Variants in BCL2L13 observed in about 807,000 individuals in gnomAD.
BCL2L13 encodes BCL2 like 13, also known as bcl-2-like protein 13.
A neutral mutation model predicts 25.8 loss-of-function variants in BCL2L13; 13 were observed. The observed-to-expected ratio is 0.50, with a 90% confidence interval of 0.33 to 0.80. BCL2L13 has a LOEUF of 0.80. BCL2L13 is among the 30% of genes least tolerant of loss of function. The probability of loss-of-function intolerance (pLI) is 0.02; values close to 1 mark genes in which losing one functional copy is unlikely to be tolerated. For missense variants in BCL2L13, 504 were observed against 574.9 expected (o/e 0.88, Z 1.26); for synonymous variants, 244 against 230.3 (o/e 1.06, Z -0.54).
chr22:17,684,468 C>T, intron 3 of BCL2L13: 4 of 418,156 alleles, frequency 9.6e-6, no homozygotes, highest in South Asian at 7.0e-5. Flanking sequence ...CAGGCCCCAA[C>T]CCCACCCCAC....
intron 1 of BCL2L13, among the ~76,000 whole-genome samples, chr22:17,642,275 T>C (rs1414363618): frequency 6.6e-6 from 1 of 151,504 alleles, no homozygotes; most frequent in Non-Finnish European, 1.5e-5. Context: ...TCTCAGTAAC[T>C]GTAACTCAGA....
At chr22:17,682,576 A>C (rs1394479823) in intron 2 of BCL2L13, among the ~76,000 whole-genome samples, 1 of 152,120 alleles carries the variant, frequency 6.6e-6, no homozygotes, top group Non-Finnish European at 1.5e-5. Context: ...ATTGTCTACA[A>C]AAAGAGAGGA....
At chr22:17,636,053 G>A (rs555680725), upstream of BCL2L13, among the ~76,000 whole-genome samples, 19 of 149,620 alleles carry the variant, frequency 1.3e-4, no homozygotes, top group South Asian at 3.9e-3. Context: ...GCCTGGGGCG[G>A]TGGCTCACGC....
chr22:17,630,586 C>CTTTTTTTTTT (rs34181282), intron 1 of BCL2L13, among the ~76,000 whole-genome samples: 1 of 126,252 alleles, frequency 7.9e-6, no homozygotes, highest in African/African-American at 3.5e-5. Context: ...CCTTCTTTTT[C>CTTTTTTTTTT]TTTTCTTTTT....
At chr22:17,664,493 A>T (rs923882476) in intron 2 of BCL2L13, among the ~76,000 whole-genome samples, 2 of 151,938 alleles carry the variant, frequency 1.3e-5, no homozygotes, top group African/African-American at 4.8e-5. Context: ...CTGTCAGTGG[A>T]TCTACCATTC....
chr22:17,681,991 T>C (rs1334819121), intron 2 of BCL2L13, among the ~76,000 whole-genome samples: 1 of 152,210 alleles, frequency 6.6e-6, no homozygotes, highest in Non-Finnish European at 1.5e-5. Context: ...TACATGTACA[T>C]ACAAAGTGCT....
At chr22:17,651,504 C>A (rs941427119) in intron 1 of BCL2L13, among the ~76,000 whole-genome samples, 7 of 149,878 alleles carry the variant, frequency 4.7e-5, no homozygotes, top group African/African-American at 1.7e-4. Context: ...GCCTCCGCCT[C>A]CCGAGTAGCT....
intron 1 of BCL2L13, among the ~76,000 whole-genome samples, chr22:17,652,958 G>C (rs556404468): frequency 6.6e-6 from 1 of 151,944 alleles, no homozygotes; most frequent in Non-Finnish European, 1.5e-5. Context: ...CCAGCTACTC[G>C]GGAGGCTGAG....
chr22:17,659,669 A>G (rs1410351952), intron 2 of BCL2L13, among the ~76,000 whole-genome samples: 1 of 145,452 alleles, frequency 6.9e-6, no homozygotes, highest in Non-Finnish European at 1.6e-5. Context: ...AAAAAACAAA[A>G]CAAAACAAAA....
At chr22:17,691,234 G>A (rs920375924) in intron 4 of BCL2L13, among the ~76,000 whole-genome samples, 1 of 151,996 alleles carries the variant, frequency 6.6e-6, no homozygotes, top group Non-Finnish European at 1.5e-5. Context: ...ATATTCTGAG[G>A]TTACATCTAA....
intron 1 of BCL2L13, among the ~76,000 whole-genome samples, chr22:17,649,398 A>G (rs938112649): frequency 6.7e-6 from 1 of 149,118 alleles, no homozygotes; most frequent in East Asian, 2.0e-4. Context: ...CGCCGGGCCA[A>G]TTTTTTAATT....
intron 1 of BCL2L13, among the ~76,000 whole-genome samples, chr22:17,630,307 TCTCA>T (rs1187689821): frequency 6.7e-6 from 1 of 150,020 alleles, no homozygotes; most frequent in Admixed American, 6.7e-5. Context: ...TGAGACAGAG[TCTCA>T]CTCTGTCGCC....
Position 17,657,823 on chromosome 22 carries a change from C to CTTTTTTTTTTTT in BCL2L13, c.121+2001_121+2012dup, listed in dbSNP as rs71201859. ...GAGCCACCACACCTGGTTGACATTT[C>CTTTTTTTTTTTT]TTTTTTTTTTTTTTTTTTTTTGAGA... On this transcript the variant is annotated intron_variant, in intron 2 of 6. Transcript: ENST00000317582. Among the ~76,000 whole-genome samples, 81 of 85,750 alleles carry CTTTTTTTTTTTT rather than the reference C, an allele frequency of 9.4e-4. 7 individuals are homozygous for CTTTTTTTTTTTT. The highest frequency in any genetic ancestry group is 2.3e-3 in the East Asian group (5 of 2,218). The allele number at this position is 85,750 out of a possible 152,430, so 56.3% of individuals were successfully genotyped here. A position where few individuals can be genotyped will look rare whatever the true frequency, so the allele number is the denominator to read the frequency against.
At chr22:17,690,091 C>T (rs2535699) in intron 4 of BCL2L13, among the ~76,000 whole-genome samples, 22,108 of 152,016 alleles carry the variant, frequency 0.15, 2,091 homozygotes, top group Non-Finnish European at 0.21. Flanking sequence ...TTTGGGAGGA[C>T]GAGGTGGAGG....
At chr22:17,656,865 C>T (rs929216447) in intron 2 of BCL2L13, among the ~76,000 whole-genome samples, 1 of 152,118 alleles carries the variant, frequency 6.6e-6, no homozygotes, top group African/African-American at 2.4e-5. Context: ...GTTGCCCAGG[C>T]TGGAGTGTAA....
At chr22:17,725,727 C>T (rs1390651290) in intron 6 of BCL2L13, among the ~76,000 whole-genome samples, 1 of 151,724 alleles carries the variant, frequency 6.6e-6, no homozygotes, top group East Asian at 1.9e-4. Flanking sequence ...ATCCCTTATC[C>T]AAAGTGCTTG....
At chr22:17,640,699 A>AT (rs1166050186) in intron 1 of BCL2L13, among the ~76,000 whole-genome samples, 10 of 135,806 alleles carry the variant, frequency 7.4e-5, no homozygotes, top group Non-Finnish European at 1.3e-4. Flanking sequence ...TTCACAAAAA[A>AT]TTAAAAAAAA....
intron 6 of BCL2L13, chr22:17,706,882 A>T: frequency 7.7e-7 from 1 of 1,295,032 alleles, no homozygotes; most frequent in Non-Finnish European, 1.0e-6. Context: ...CTTGTGAAAG[A>T]TTTACTTTTA....
chr22:17,653,692 C>A (rs1009827559), intron 1 of BCL2L13, among the ~76,000 whole-genome samples: 9 of 151,764 alleles, frequency 5.9e-5, no homozygotes, highest in Non-Finnish European at 1.3e-4. Context: ...TTTGTAGAGA[C>A]AGGGTCTCAC....
Sources: allele counts gnomAD v4.1 joint callset (sites outside exome capture counted in the v4.1 genomes callset), GRCh38; gene constraint gnomAD v4.1.1; transcripts MANE v1.5; gene names NCBI Gene and HGNC (gene_info 2026-07-23, HGNC 2026-07-21).